The following LAMA3 variants were observed in gnomAD, a reference collection of about 807,000 sequenced individuals.
LAMA3 encodes laminin subunit alpha 3, also known as laminin subunit alpha-3.
LAMA3 carries 281 observed loss-of-function variants against 402.0 expected under a neutral mutation model. The observed-to-expected ratio is 0.70, with a 90% CI of 0.63 to 0.77. LAMA3 has a LOEUF of 0.77. LAMA3 is among the 30% of genes least tolerant of loss of function. LAMA3 has a pLI of 0.00. For synonymous variants in LAMA3, 1,431 were observed against 1,558.4 expected (o/e 0.92, Z 1.93); for missense variants, 3,840 against 4,215.5 (o/e 0.91, Z 2.47).
At chr18:23,922,982 C>T (rs734890) in intron 62 of LAMA3, among the ~76,000 whole-genome samples, 2,304 of 152,276 alleles carry the variant, frequency 0.015, 67 homozygotes, top group African/African-American at 0.053. Flanking sequence ...GCTCAGGGTG[C>T]TGACAGAGCC....
rs991412102 is a variant in LAMA3, at chr18:23,918,792, T to C, written c.7923+2097T>C. Among the ~76,000 whole-genome samples, 7 of 152,300 alleles carry C rather than the reference T, an allele frequency of 4.6e-5. No homozygotes were observed. In the East Asian group the frequency reaches 1.2e-3, roughly 25 times the overall value. ...TTTCTGGTGGTCCGAGAACATGGGA[T>C]TGATAAGGAGCTTGGGATTTTACCA... On this transcript the variant is annotated intron_variant, in intron 60 of 74. Transcript: ENST00000313654. The surrounding 1 kb of genome is among the most constrained non-coding windows in gnomAD (Gnocchi z 4.1).
At chr18:23,719,669 CTTT>C (rs61144348) in intron 2 of LAMA3, among the ~76,000 whole-genome samples, 2 of 135,698 alleles carry the variant, frequency 1.5e-5, no homozygotes, top group African/African-American at 2.7e-5. Context: ...ATTCTAGAAT[CTTT>C]TTTTTTTTTT....
At chr18:23,835,629 G>A (rs556101590) in intron 24 of LAMA3, among the ~76,000 whole-genome samples, 20 of 152,070 alleles carry the variant, frequency 1.3e-4, no homozygotes, top group African/African-American at 3.4e-4. Context: ...GGAGTGTCCC[G>A]TTCTATTTTT....
chr18:23,878,297 A>AT (rs948367458), intron 39 of LAMA3, among the ~76,000 whole-genome samples: 3 of 151,942 alleles, frequency 2.0e-5, no homozygotes, highest in African/African-American at 7.3e-5. Context: ...TTCCCATTTT[A>AT]TTTTTTTTGT....
rs1039069694 is a variant in LAMA3, at chr18:23,750,983, G to A, written c.750G>A (p.Arg250=). The change falls in exon 5 of 75, where the codon AGG becomes AGA. Residue 250 remains arginine, a synonymous_variant. Coordinates refer to ENST00000313654, the MANE Select transcript of LAMA3 (RefSeq NM_198129.4). ...ATTTTACTTTCTCTCACACCCTGAG[G>A]GAGTTTACCAAGGCAACAAACATCC... ...AKNFTFSHTL[R]EFTKATNIRL... is the part of the protein sequence containing the mutation. 6 of 1,613,910 alleles carry A rather than the reference G, an allele frequency of 3.7e-6. No individual in the cohort carries two copies. In the African/African-American group the frequency reaches 5.3e-5, roughly 14 times the overall value.
intron 8 of LAMA3, 54 bp downstream of exon 8, chr18:23,763,577 A>C: frequency 3.8e-6 from 4 of 1,066,654 alleles, no homozygotes; most frequent in Non-Finnish European, 5.9e-6. Context: ...ATGAGTATTC[A>C]GTAAGCTCTG....
rs755610602 is a variant in LAMA3 at position 23,928,114 on chromosome 18, C to T, written c.8178-9C>T. 2.7e-5 allele frequency: 42 copies of T among 1,581,816 alleles called. No homozygotes were observed. Among genetic ancestry groups the T allele is most frequent in the Non-Finnish European group, 3.1e-5 (36 of 1,150,678 alleles). On this transcript the variant is annotated splice_polypyrimidine_tract_variant and intron_variant, in intron 62 of 74. Transcript: ENST00000313654. ...TCCATCTCTTCCTTTTATCTGTGTT[C>T]GTAATCAGATTTAACATTTCTACGC...
intron 5 of LAMA3, among the ~76,000 whole-genome samples, chr18:23,751,418 C>G (rs1053199140): frequency 6.6e-6 from 1 of 152,108 alleles, no homozygotes; most frequent in African/African-American, 2.4e-5. Context: ...GTTTCTTGCT[C>G]CTATTACAGT....
intron 2 of LAMA3, among the ~76,000 whole-genome samples, chr18:23,727,439 C>G (rs1056441605): frequency 2.0e-5 from 3 of 152,132 alleles, no homozygotes; most frequent in African/African-American, 7.2e-5. Flanking sequence ...CATTTTCCTG[C>G]CTCAGCCTCC....
chr18:23,884,010 C>T (rs1167406440), intron 40 of LAMA3, among the ~76,000 whole-genome samples: 1 of 150,982 alleles, frequency 6.6e-6, no homozygotes, highest in Non-Finnish European at 1.5e-5. Flanking sequence ...AGTGTCATGT[C>T]CAGTGGCAGA....
Position 23,939,238 on chromosome 18 carries a change from C to T in LAMA3, c.8878C>T (p.Pro2960Ser), listed in dbSNP as rs1225856166. Residue 2960 changes from proline (P) to serine (S), a missense_variant, in exon 68 of 75, where the codon CCA (proline) becomes TCA (serine). This residue lies in a region of LAMA3 where 840 missense variants were observed against 981.9 expected (regional missense o/e 0.86). Transcript: ENST00000313654. ...TCCCATGCAGCTGTTGCAGGACACACCAGTGGCCTCCCCAAGGAGCGTGAA... is the reference window on the plus strand; with the variant it reads ...TCCCATGCAGCTGTTGCAGGACACATCAGTGGCCTCCCCAAGGAGCGTGAA... ...FRINQLLQDT[P>S]VASPRSVKVW... The T allele has an allele frequency of 6.2e-7, 1 of 1,614,092 alleles. No individual in the cohort carries two copies. The highest frequency in any genetic ancestry group is 2.2e-5 in the East Asian group (1 of 44,884).
intron 1 of LAMA3, among the ~76,000 whole-genome samples, chr18:23,710,772 G>A (rs1246205045): frequency 1.3e-5 from 2 of 151,992 alleles, no homozygotes; most frequent in African/African-American, 4.8e-5. Context: ...TTTTCACCCT[G>A]ACCGTTTAAG....
chr18:23,839,900 CT>C lies in LAMA3; in HGVS notation c.3309del (p.Pro1104LeufsTer5). ...PQQSSPSVDVLPGVTLKAPQN... is the reference protein window; with the variant it reads ...PQQSSPSVDVXPGVTLKAPQN... Reference sequence around the variant, plus strand: ...GCAGTCGTCACCTTCTGTTGATGTTCTTCCTGGGGTCACCTTGAAGGCACCG... The same window carrying C: ...GCAGTCGTCACCTTCTGTTGATGTTCTCCTGGGGTCACCTTGAAGGCACCG... On this transcript the variant is annotated frameshift_variant, in exon 27 of 75. Transcript: ENST00000313654. LOFTEE classifies it high-confidence loss of function. The surrounding 1 kb of genome is among the most constrained non-coding windows in gnomAD (Gnocchi z 4.5). 1.2e-6 allele frequency: 2 copies of C among 1,614,218 alleles called. No individual in the cohort carries two copies. The highest frequency in any genetic ancestry group is 1.7e-6 in the Non-Finnish European group (2 of 1,180,036).
In LAMA3 at chr18:23,916,549, A is replaced by AGGAG; in HGVS notation, c.7779_7782dup. The stretch of plus-strand genomic sequence containing the variant: ...CTAATTTATGATGATTAATGTTGAC[A>AGGAG]GGAGGAAGGAAGAGTCAGACAAAAA... On this transcript the variant is annotated splice_acceptor_variant, in intron 59 of 74. Coordinates refer to ENST00000313654, the MANE Select transcript of LAMA3 (RefSeq NM_198129.4). LOFTEE classifies it high-confidence loss of function. 1 of 1,614,082 alleles carries AGGAG rather than the reference A, an allele frequency of 6.2e-7. No individual in the cohort carries two copies. Among genetic ancestry groups the AGGAG allele is most frequent in the Non-Finnish European group, 8.5e-7 (1 of 1,179,928 alleles).
chr18:23,825,579 A>T (rs756767692), intron 21 of LAMA3, among the ~76,000 whole-genome samples: 1 of 152,098 alleles, frequency 6.6e-6, no homozygotes, highest in Admixed American at 6.6e-5. Flanking sequence ...TGTTCTTTCC[A>T]TTCAAGACAA....
chr18:23,823,314 T>A (rs754729776), intron 20 of LAMA3, among the ~76,000 whole-genome samples: 1 of 152,230 alleles, frequency 6.6e-6, no homozygotes, highest in African/African-American at 2.4e-5. Context: ...CACAGCTGGA[T>A]GTTTGTAGAC....
At chr18:23,741,667 A>G (rs2061565566) in intron 2 of LAMA3, among the ~76,000 whole-genome samples, 1 of 152,220 alleles carries the variant, frequency 6.6e-6, no homozygotes, top group African/African-American at 2.4e-5. Context: ...TAAATGTTTC[A>G]AAGTGTCTCC....
At chr18:23,864,110 G>A (rs1286704455) in intron 35 of LAMA3, among the ~76,000 whole-genome samples, 2 of 151,922 alleles carry the variant, frequency 1.3e-5, no homozygotes, top group African/African-American at 4.8e-5. Flanking sequence ...GAAACCAATG[G>A]CCTAGATTTC....
At chr18:23,923,918 A>C (rs2081926095) in intron 62 of LAMA3, among the ~76,000 whole-genome samples, 1 of 152,156 alleles carries the variant, frequency 6.6e-6, no homozygotes, top group Admixed American at 6.5e-5. Context: ...GCTCAGCAAA[A>C]CTTTAGGTTA....
Sources: gnomAD v4.1 joint callset for allele counts (sites outside exome capture counted in the v4.1 genomes callset) on GRCh38, gnomAD v4.1.1 for gene constraint, gnomAD v4.1.1 regional missense constraint, Gnocchi (gnomAD v3.1) non-coding constraint, MANE v1.5 for transcripts, NCBI Gene and HGNC (gene_info 2026-07-23, HGNC 2026-07-21) for gene names.